Variants in CRACD observed in about 807,000 individuals in gnomAD.
CRACD encodes the protein capping protein-inhibiting regulator of actin dynamics.
Under a neutral mutation model 106.8 loss-of-function variants are expected in CRACD, and 56 were observed. The observed-to-expected ratio is 0.52, with a 90% CI of 0.42 to 0.66. The LOEUF is 0.66. Ranked by LOEUF, CRACD falls within the 30% of genes least tolerant of loss-of-function variation. The probability of loss-of-function intolerance (pLI) is 0.00; values close to 1 mark genes in which losing one functional copy is unlikely to be tolerated. For synonymous variants in CRACD, 754 were observed against 670.8 expected (o/e 1.12, Z -1.92); for missense variants, 1,730 against 1,623.2 (o/e 1.07, Z -1.13).
At chr4:56,188,034 A>G (rs970498196) in intron 2 of CRACD, among the ~76,000 whole-genome samples, 1 of 152,176 alleles carries the variant, frequency 6.6e-6, no homozygotes, top group Non-Finnish European at 1.5e-5. Context: ...AGGCTATCCT[A>G]TGACTGGAAG....
chr4:56,164,298 C>A (rs959472470), intron 1 of CRACD, among the ~76,000 whole-genome samples: 19 of 151,938 alleles, frequency 1.3e-4, no homozygotes, highest in African/African-American at 4.3e-4. Context: ...CCAAGCCCAG[C>A]TAATTTGTTG....
intron 3 of CRACD, among the ~76,000 whole-genome samples, chr4:56,276,675 A>G (rs480702): frequency 0.47 from 71,795 of 152,020 alleles, 17,900 homozygotes; most frequent in African/African-American, 0.64. Context: ...GCATTCTTAA[A>G]CATCCACTAC....
At chr4:56,187,866 C>T (rs1421545663) in intron 2 of CRACD, among the ~76,000 whole-genome samples, 3 of 152,012 alleles carry the variant, frequency 2.0e-5, no homozygotes, top group Non-Finnish European at 4.4e-5. Context: ...TGACACCAAA[C>T]AGAAAGCTAA....
chr4:56,079,276 T>C (rs979122036), intron 1 of CRACD, among the ~76,000 whole-genome samples: 1 of 151,248 alleles, frequency 6.6e-6, no homozygotes, highest in Non-Finnish European at 1.5e-5. Context: ...AAGATATATA[T>C]GTAAAGATGT....
intron 2 of CRACD, among the ~76,000 whole-genome samples, chr4:56,255,481 TA>T (rs10564197): frequency 1.0e-3 from 147 of 147,246 alleles, no homozygotes; most frequent in Middle Eastern, 3.5e-3. Context: ...ACTGACTCTT[TA>T]AAAAAAAAAA....
At chr4:56,301,117 C>A (rs1375147425) in intron 4 of CRACD, 10 of 639,566 alleles carry the variant, frequency 1.6e-5, no homozygotes, top group Middle Eastern at 4.4e-4. Context: ...TTTGTTCATT[C>A]TTTGAGGAGG....
intron 1 of CRACD, among the ~76,000 whole-genome samples, chr4:56,109,501 AG>A (rs1355984294): frequency 1.3e-5 from 2 of 152,174 alleles, no homozygotes; most frequent in African/African-American, 2.4e-5. Context: ...GGAGCAGAAA[AG>A]GGTTATTAGG....
At chr4:56,155,413 G>A (rs149575595) in intron 1 of CRACD, among the ~76,000 whole-genome samples, 1 of 152,340 alleles carries the variant, frequency 6.6e-6, no homozygotes, top group East Asian at 1.9e-4. Context: ...GAACCCGTGG[G>A]TATATCAGGT....
chr4:56,303,681 G>A (rs530543505), intron 4 of CRACD, among the ~76,000 whole-genome samples: 63 of 152,318 alleles, frequency 4.1e-4, no homozygotes, highest in South Asian at 1.0e-3. Context: ...GGAAGCATTC[G>A]GAGGAGGTAC....
chr4:56,227,083 C>T (rs534659541), intron 2 of CRACD, among the ~76,000 whole-genome samples: 26 of 152,244 alleles, frequency 1.7e-4, no homozygotes, highest in African/African-American at 6.0e-4. Flanking sequence ...TTATAAATTA[C>T]TCAACCTTGG....
intron 3 of CRACD, among the ~76,000 whole-genome samples, chr4:56,274,554 T>C (rs1742563691): frequency 6.6e-6 from 1 of 152,236 alleles, no homozygotes; most frequent in South Asian, 2.1e-4. Context: ...GTTTCAGGTT[T>C]TACAAAGCCT....
chr4:56,114,309 T>C (rs929600009), intron 1 of CRACD, among the ~76,000 whole-genome samples: 1 of 151,640 alleles, frequency 6.6e-6, no homozygotes, highest in African/African-American at 2.4e-5. Flanking sequence ...CCACTTTTCA[T>C]GCAAGAAAAA....
At chr4:56,098,506 G>T (rs1045014387) in intron 1 of CRACD, among the ~76,000 whole-genome samples, 23 of 148,678 alleles carry the variant, frequency 1.5e-4, no homozygotes, top group Non-Finnish European at 5.9e-5. Context: ...ATTACTGAAG[G>T]TTTTTCTGAT....
intron 2 of CRACD, among the ~76,000 whole-genome samples, chr4:56,226,940 C>T (rs35198363): frequency 0.13 from 20,055 of 151,438 alleles, 2,224 homozygotes; most frequent in East Asian, 0.58. Flanking sequence ...ATGTGATCAC[C>T]ACACTTACCA....
At position 56,064,524 on chromosome 4, in the gene CRACD, A is replaced by G. The variant is rs187646220; in HGVS notation, c.-336+15225A>G. Among the ~76,000 whole-genome samples, 108 of 152,220 alleles carry G rather than the reference A, an allele frequency of 7.1e-4. 1 individual carries two copies. The highest frequency in any genetic ancestry group is 2.6e-3 in the African/African-American group (108 of 41,540). ...AAGTCTTCTTCCCTACTCCTGCAGA[A>G]ATTTGCCTTTTTCCAAAGCCAGACA... On this transcript the variant is annotated intron_variant, in intron 1 of 10. Coordinates refer to ENST00000682029, the MANE Select transcript of CRACD (RefSeq NM_001393381.1).
rs777645381 is a variant in CRACD, at chr4:56,323,503, C to T, written c.3314C>T (p.Ala1105Val). ...QKQKGFREQQ[A>V]TREERKQARE... ...CAAAAGGGGTTTCGGGAGCAGCAGG[C>T]GACGCGGGAGGAGAGAAAGCAAGCC... The change falls in exon 9 of 11, where the codon GCG becomes GTG. Residue 1105 changes from alanine to valine, a missense_variant. Ala to Val is a moderately conservative substitution (Grantham distance 64). Coordinates refer to ENST00000682029, the MANE Select transcript of CRACD (RefSeq NM_001393381.1). 27 of 1,608,062 alleles carry T rather than the reference C, an allele frequency of 1.7e-5. 1 individual carries two copies. Among genetic ancestry groups the T allele is most frequent in the South Asian group, 6.7e-5 (6 of 90,006 alleles).
intron 1 of CRACD, among the ~76,000 whole-genome samples, chr4:56,157,742 A>T (rs1208016997): frequency 6.6e-6 from 1 of 152,164 alleles, no homozygotes; most frequent in Non-Finnish European, 1.5e-5. Context: ...TTGTTCGAAG[A>T]ATGCTCTGTT....
At chr4:56,142,010 C>A (rs1735219505) in intron 1 of CRACD, among the ~76,000 whole-genome samples, 1 of 152,012 alleles carries the variant, frequency 6.6e-6, no homozygotes, top group South Asian at 2.1e-4. Flanking sequence ...GCTTTTATTA[C>A]CTTCTCCAAA....
At chr4:56,248,500 T>A (rs1024143776) in intron 2 of CRACD, among the ~76,000 whole-genome samples, 3 of 127,604 alleles carry the variant, frequency 2.4e-5, no homozygotes, top group Non-Finnish European at 4.5e-5. Flanking sequence ...ATGCATTATT[T>A]TTTTTTTTGA....
Sources: gnomAD v4.1 joint callset for allele counts (sites outside exome capture counted in the v4.1 genomes callset) on GRCh38, gnomAD v4.1.1 for gene constraint, MANE v1.5 for transcripts, NCBI Gene and HGNC (gene_info 2026-07-23, HGNC 2026-07-21) for gene names.